Variants in MAML2 observed in about 807,000 individuals in gnomAD.
MAML2 encodes mastermind-like protein 2.
MAML2 carries 22 observed loss-of-function variants against 96.1 expected under a neutral mutation model. The observed-to-expected ratio is 0.23, with a 90% CI of 0.16 to 0.33. The LOEUF (loss-of-function observed/expected upper bound fraction) is 0.33. Among genes scored for constraint, MAML2 ranks in the 10% least tolerant of loss-of-function variants. The pLI, the probability that MAML2 is intolerant of heterozygous loss-of-function variation, is 1.00. For missense variants in MAML2, 1,367 were observed against 1,392.4 expected, an observed-to-expected ratio of 0.98 and a Z score of 0.29; for synonymous variants, 561 against 521.3, an observed-to-expected ratio of 1.08 and a Z score of -1.04.
intron 1 of MAML2, among the ~76,000 whole-genome samples, chr11:96,109,905 G>A (rs1000181118): frequency 2.0e-5 from 3 of 152,186 alleles, no homozygotes; most frequent in Non-Finnish European, 2.9e-5. Flanking sequence ...GTGGCTGTGA[G>A]TGTCTAAATG....
intron 1 of MAML2, among the ~76,000 whole-genome samples, chr11:96,108,712 T>G (rs1418849064): frequency 6.6e-6 from 1 of 152,098 alleles, no homozygotes. Context: ...GAAACTTCAT[T>G]TTATAGATGA....
At position 96,178,028 on chromosome 11, in the gene MAML2, TA is replaced by T. The variant is rs1234888261; in HGVS notation, c.514-84512del. On this transcript the variant is annotated intron_variant, in intron 1 of 4. Coordinates refer to ENST00000524717, the MANE Select transcript of MAML2 (RefSeq NM_032427.4). Reference sequence around the variant, plus strand: ...ATCTACAATTTTGTACTCTTTAACTTAAAAAAAAAATAAATATCACAATTCA... The same window carrying T: ...ATCTACAATTTTGTACTCTTTAACTTAAAAAAAAATAAATATCACAATTCA... 4.3e-4 allele frequency among the ~76,000 whole-genome samples: 60 copies of T among 140,644 alleles called. 1 individual carries two copies. Among genetic ancestry groups the T allele is most frequent in the Middle Eastern group, 3.6e-3 (1 of 274 alleles). The allele number at this position is 140,644 out of a possible 152,430, so 92.3% of individuals were successfully genotyped here.
At chr11:96,061,676 C>T (rs1472552625) in intron 2 of MAML2, among the ~76,000 whole-genome samples, 2 of 152,148 alleles carry the variant, frequency 1.3e-5, no homozygotes, top group African/African-American at 4.8e-5. Context: ...AGATAAAAGG[C>T]ATAACAACCC....
chr11:96,062,677 T>A (rs1355242052), intron 2 of MAML2, among the ~76,000 whole-genome samples: 1 of 152,210 alleles, frequency 6.6e-6, no homozygotes, highest in African/African-American at 2.4e-5. Context: ...GCAGCGCCCC[T>A]TCCCACCAGC....
At chr11:96,288,204 T>G (rs771458321) in intron 1 of MAML2, among the ~76,000 whole-genome samples, 1 of 152,202 alleles carries the variant, frequency 6.6e-6, no homozygotes. Context: ...TTTTTTAACA[T>G]GATCAGGGTA....
rs151034484 is a variant in MAML2 at position 96,026,754 on chromosome 11, C to T, written c.2140-35031G>A. Among the ~76,000 whole-genome samples, 12 of 148,204 alleles carry T rather than the reference C, an allele frequency of 8.1e-5. No homozygotes were observed. In the East Asian group the frequency reaches 1.2e-3, roughly 15 times the overall value. ...AAGGAGGGATGATGTAGATGCAACA[C>T]GAGTAGATACGGCACAGTAGATACA... On this transcript the variant is annotated intron_variant, in intron 2 of 4. Transcript: ENST00000524717.
rs533369997 is a variant in MAML2, at chr11:96,173,288, G to A, written c.514-79771C>T. 2.0e-5 allele frequency among the ~76,000 whole-genome samples: 3 copies of A among 152,262 alleles called. No individual in the cohort carries two copies. In the South Asian group the frequency reaches 6.2e-4, roughly 32 times the overall value. On this transcript the variant is annotated intron_variant, in intron 1 of 4. Coordinates refer to ENST00000524717, the MANE Select transcript of MAML2 (RefSeq NM_032427.4). ...CTCTTTCTACCATGACAGGAAGCAA[G>A]AAAGAAGAAAAAGCATTCTAAACAA... is the stretch of plus-strand genomic sequence containing the variant.
intron 4 of MAML2, among the ~76,000 whole-genome samples, chr11:95,981,071 G>C (rs955805937): frequency 2.0e-5 from 3 of 152,176 alleles, no homozygotes; most frequent in Non-Finnish European, 4.4e-5. Context: ...TGGTGACCTG[G>C]AATTCAATCT....
intron 1 of MAML2, among the ~76,000 whole-genome samples, chr11:96,181,576 G>T (rs955392269): frequency 6.6e-6 from 1 of 151,910 alleles, no homozygotes; most frequent in Non-Finnish European, 1.5e-5. Flanking sequence ...TCTTTACAAC[G>T]TTGAGAATAA....
At position 96,092,757 on chromosome 11, in the gene MAML2, G is replaced by C. The variant is rs1859747369; in HGVS notation, c.1274C>G (p.Pro425Arg). 1 of 1,613,770 alleles carries C rather than the reference G, an allele frequency of 6.2e-7. No homozygotes were observed. Among genetic ancestry groups the C allele is most frequent in the Admixed American group, 1.7e-5 (1 of 60,022 alleles). ...QTGSGASRAL[P>R]SWQEVSHAQQ... ...GGCATGGGATACTTCCTGCCAGCTTGGCAAGGCCCGGCTTGCTCCGGAGCC... is the reference window on the plus strand; with the variant it reads ...GGCATGGGATACTTCCTGCCAGCTTCGCAAGGCCCGGCTTGCTCCGGAGCC... Residue 425 changes from proline to arginine, a missense_variant, in exon 2 of 5, where the codon CCA becomes CGA. Coordinates refer to ENST00000524717, the MANE Select transcript of MAML2 (RefSeq NM_032427.4). The surrounding 1 kb of genome is among the most constrained non-coding windows in gnomAD (Gnocchi z 4.1).
At chr11:96,066,770 G>A (rs935522825) in intron 2 of MAML2, among the ~76,000 whole-genome samples, 1 of 152,218 alleles carries the variant, frequency 6.6e-6, no homozygotes, top group African/African-American at 2.4e-5. Flanking sequence ...AGTGAAGACA[G>A]ACAGATACTA....
intron 1 of MAML2, among the ~76,000 whole-genome samples, chr11:96,219,354 C>G (rs985255997): frequency 5.9e-5 from 9 of 152,186 alleles, no homozygotes; most frequent in Non-Finnish European, 1.2e-4. Context: ...GTTCAAGAGG[C>G]CTTCCCAGAT....
intron 1 of MAML2, among the ~76,000 whole-genome samples, chr11:96,223,811 A>G (rs1452819796): frequency 6.6e-6 from 1 of 152,190 alleles, no homozygotes; most frequent in Non-Finnish European, 1.5e-5. Flanking sequence ...TAGTTTAGGT[A>G]CAACACAATT....
At chr11:96,294,053 G>A (rs962972091) in intron 1 of MAML2, among the ~76,000 whole-genome samples, 2 of 152,164 alleles carry the variant, frequency 1.3e-5, no homozygotes, top group African/African-American at 4.8e-5. Flanking sequence ...TGAATTTTAA[G>A]TATTATTTTC....
chr11:96,280,739 T>C (rs1863053558), intron 1 of MAML2, among the ~76,000 whole-genome samples: 1 of 152,224 alleles, frequency 6.6e-6, no homozygotes, highest in African/African-American at 2.4e-5. Context: ...GAACATTATA[T>C]TGGGACATAA....
rs11021406 is a variant in MAML2, at chr11:96,052,674, C to T, written c.2139+39218G>A. Among the ~76,000 whole-genome samples, 325 of 152,262 alleles carry T rather than the reference C, an allele frequency of 2.1e-3. 2 individuals are homozygous for T. Among genetic ancestry groups the T allele is most frequent in the Middle Eastern group, 3.4e-3 (1 of 294 alleles). On this transcript the variant is annotated intron_variant, in intron 2 of 4. Coordinates refer to ENST00000524717, the MANE Select transcript of MAML2 (RefSeq NM_032427.4). Reference sequence around the variant, plus strand: ...CTGTGTCAATGCCATTTGGATCTTTCCTGTGTATAGAGTCTTAGACCAATT... The same window carrying T: ...CTGTGTCAATGCCATTTGGATCTTTTCTGTGTATAGAGTCTTAGACCAATT...
chr11:96,125,226 T>C (rs937567143), intron 1 of MAML2, among the ~76,000 whole-genome samples: 2 of 152,056 alleles, frequency 1.3e-5, no homozygotes, highest in African/African-American at 2.4e-5. Flanking sequence ...AGGGAAGAGA[T>C]AGACACTGGA....
chr11:96,030,428 C>T (rs1358594702), intron 2 of MAML2, among the ~76,000 whole-genome samples: 1 of 151,682 alleles, frequency 6.6e-6, no homozygotes, highest in Admixed American at 6.6e-5. Context: ...CTAGGGAGTC[C>T]AGAAACAGAC....
At chr11:96,012,536 A>G (rs1315252447) in intron 2 of MAML2, among the ~76,000 whole-genome samples, 1 of 152,138 alleles carries the variant, frequency 6.6e-6, no homozygotes, top group Non-Finnish European at 1.5e-5. Context: ...CAGAGTCTCT[A>G]TGTGCACATG....
Sources: allele counts gnomAD v4.1 joint callset (sites outside exome capture counted in the v4.1 genomes callset), GRCh38; gene constraint gnomAD v4.1.1; non-coding constraint Gnocchi (gnomAD v3.1); transcripts MANE v1.5; gene names NCBI Gene and HGNC (gene_info 2026-07-23, HGNC 2026-07-21).